The following PRKAR1B variants were observed in gnomAD, a reference collection of about 807,000 sequenced individuals.
The protein encoded by PRKAR1B is cAMP-dependent protein kinase type I-beta regulatory subunit.
A neutral mutation model predicts 46.5 loss-of-function variants in PRKAR1B; 22 were observed. The observed-to-expected ratio is 0.47, with a 90% CI of 0.34 to 0.68. PRKAR1B has a LOEUF of 0.68. Among genes scored for constraint, PRKAR1B ranks in the 30% least tolerant of loss-of-function variants. The pLI, the probability that PRKAR1B is intolerant of heterozygous loss-of-function variation, is 0.01. For missense variants in PRKAR1B, 445 were observed against 535.6 expected (o/e 0.83, Z 1.67); for synonymous variants, 259 against 217.7 (o/e 1.19, Z -1.67).
chr7:638,080 G>A (rs1160777670), intron 4 of PRKAR1B, among the ~76,000 whole-genome samples: 1 of 152,232 alleles, frequency 6.6e-6, no homozygotes, highest in East Asian at 1.9e-4. Flanking sequence ...TAGCTGGCAA[G>A]CACCAGCGTT....
Position 577,913 on chromosome 7 carries a change from G to A in PRKAR1B, c.891+1343C>T, listed in dbSNP as rs151000584. Among the ~76,000 whole-genome samples, 63 of 152,346 alleles carry A rather than the reference G, an allele frequency of 4.1e-4. No individual in the cohort carries two copies. In the East Asian group the frequency reaches 9.1e-3, roughly 22 times the overall value. The stretch of plus-strand genomic sequence containing the variant: ...TGCGCTGAGGGTAGCAGCTCAGGGC[G>A]CTTTTGCAGTCCCATTTATACCCAC... On this transcript the variant is annotated intron_variant, in intron 9 of 10. Coordinates refer to ENST00000537384, the MANE Select transcript of PRKAR1B (RefSeq NM_001164760.2).
chr7:625,599 A>G (rs928465978), intron 4 of PRKAR1B, among the ~76,000 whole-genome samples: 1 of 152,184 alleles, frequency 6.6e-6, no homozygotes, highest in African/African-American at 2.4e-5. Flanking sequence ...TACAGGTCCT[A>G]TGGACAAGGG....
chr7:579,417 C>A (rs376923047), intron 8 of PRKAR1B, 40 bp from the exon 9 acceptor site: 2 of 1,607,304 alleles, frequency 1.2e-6, no homozygotes, highest in South Asian at 1.1e-5. Context: ...CCGGGGCCCA[C>A]GCCCCCACAG....
intron 4 of PRKAR1B, among the ~76,000 whole-genome samples, chr7:625,777 CAGG>C (rs771437326): frequency 1.3e-4 from 20 of 152,184 alleles, no homozygotes; most frequent in Non-Finnish European, 2.8e-4. Flanking sequence ...GAGGCCGAGG[CAGG>C]AGATCACCTG....
chr7:698,023 C>CGGAGGGGAGGGGAGGGGAGGGAAGGGAGG (rs1779855109), intron 2 of PRKAR1B, among the ~76,000 whole-genome samples: 1 of 27,866 alleles, frequency 3.6e-5, no homozygotes, highest in Non-Finnish European at 5.8e-5. Flanking sequence ...GGGAAGGGAG[C>CGGAGGGGAGGGGAGGGGAGGGAAGGGAGG]GGAGGGGAGG....
chr7:554,920 C>A (rs930854697), intron 9 of PRKAR1B, among the ~76,000 whole-genome samples: 1 of 152,250 alleles, frequency 6.6e-6, no homozygotes, highest in Non-Finnish European at 1.5e-5. Context: ...AGGGACCCAG[C>A]CTTGCTCTTG....
intron 8 of PRKAR1B, 51 bp from the exon 9 acceptor site, chr7:579,428 C>G: frequency 6.2e-7 from 1 of 1,605,112 alleles, no homozygotes; most frequent in South Asian, 1.1e-5. Flanking sequence ...GCCCCCACAG[C>G]CACAGTCCAA....
At chr7:663,711 T>C (rs558850021) in intron 4 of PRKAR1B, among the ~76,000 whole-genome samples, 1 of 152,272 alleles carries the variant, frequency 6.6e-6, no homozygotes, top group South Asian at 2.1e-4. Context: ...GCTCTCCGTG[T>C]GTCAGATCCT....
At chr7:576,597 C>T (rs929665868) in intron 9 of PRKAR1B, among the ~76,000 whole-genome samples, 10 of 151,936 alleles carry the variant, frequency 6.6e-5, no homozygotes, top group Admixed American at 4.6e-4. Flanking sequence ...CCAAATCCAC[C>T]GTGTGGAGCT....
chr7:647,091 C>T (rs1179703660), intron 4 of PRKAR1B, among the ~76,000 whole-genome samples: 1 of 152,214 alleles, frequency 6.6e-6, no homozygotes, highest in Admixed American at 6.5e-5. Flanking sequence ...CAGAGCCACA[C>T]AGCCGACCAC....
At chr7:682,802 ATGGCTC>A (rs1209085654) in intron 2 of PRKAR1B, among the ~76,000 whole-genome samples, 5 of 152,162 alleles carry the variant, frequency 3.3e-5, no homozygotes, top group Non-Finnish European at 7.4e-5. Context: ...ACAGATATGA[ATGGCTC>A]TGTGTGCAGA....
chr7:647,835 C>T (rs1003975766), intron 4 of PRKAR1B, among the ~76,000 whole-genome samples: 1 of 146,896 alleles, frequency 6.8e-6, no homozygotes, highest in African/African-American at 2.5e-5. Context: ...AAAAAAACCT[C>T]CTCGCATGTT....
intron 1 of PRKAR1B, among the ~76,000 whole-genome samples, chr7:724,763 C>T (rs185069893): frequency 5.1e-4 from 78 of 152,342 alleles, no homozygotes; most frequent in East Asian, 3.7e-3. Flanking sequence ...CTATCTCATC[C>T]TGCAAGACCC....
intron 7 of PRKAR1B, among the ~76,000 whole-genome samples, chr7:595,370 T>G (rs1781213577): frequency 6.6e-6 from 1 of 152,182 alleles, no homozygotes. Flanking sequence ...CTTCTCGGCT[T>G]GGTCCTTCTC....
chr7:583,636 ACT>A (rs1484619414), intron 8 of PRKAR1B, among the ~76,000 whole-genome samples: 1 of 112,060 alleles, frequency 8.9e-6, no homozygotes, highest in Admixed American at 8.7e-5. Flanking sequence ...AAACCCCCAC[ACT>A]CACATGCATG....
intron 6 of PRKAR1B, among the ~76,000 whole-genome samples, chr7:600,597 C>T (rs916006651): frequency 6.6e-6 from 1 of 152,210 alleles, no homozygotes; most frequent in Non-Finnish European, 1.5e-5. Context: ...GGGGTACACC[C>T]AGCTGCCTGG....
chr7:697,849 A>T (rs1318006518), intron 2 of PRKAR1B, among the ~76,000 whole-genome samples: 1 of 140,630 alleles, frequency 7.1e-6, no homozygotes, highest in Admixed American at 7.3e-5. Flanking sequence ...TCACATAGAG[A>T]GTATAGCAAA....
chr7:664,502 C>G lies in PRKAR1B; in HGVS notation c.440+12727G>C, dbSNP rs1013644938. ...TGGAGGCAGAGGCCACGTGCAGCATCTCAGCCCCCAGGTCTGCAGGGGCTT... is the reference window on the plus strand; with the variant it reads ...TGGAGGCAGAGGCCACGTGCAGCATGTCAGCCCCCAGGTCTGCAGGGGCTT... On this transcript the variant is annotated intron_variant, in intron 4 of 10. Coordinates refer to ENST00000537384, the MANE Select transcript of PRKAR1B (RefSeq NM_001164760.2). 7.2e-5 allele frequency among the ~76,000 whole-genome samples: 11 copies of G among 152,346 alleles called. No individual in the cohort carries two copies. In the South Asian group the frequency reaches 1.9e-3, roughly 26 times the overall value.
At chr7:658,833 TAG>T (rs925927327) in intron 4 of PRKAR1B, among the ~76,000 whole-genome samples, 2 of 152,078 alleles carry the variant, frequency 1.3e-5, no homozygotes, top group Admixed American at 1.3e-4. Context: ...GTATTTTTAG[TAG>T]AGACAGGGTT....
Sources: gnomAD v4.1 joint callset for allele counts (sites outside exome capture counted in the v4.1 genomes callset) on GRCh38, gnomAD v4.1.1 for gene constraint, MANE v1.5 for transcripts, NCBI Gene and HGNC (gene_info 2026-07-23, HGNC 2026-07-21) for gene names.